Variants in ANKRD18B observed in about 807,000 individuals in gnomAD.
ANKRD18B encodes ankyrin repeat domain-containing protein 18B.
In ANKRD18B, 75 loss-of-function variants were observed where a neutral mutation model predicts 111.8. The observed-to-expected ratio is 0.67, with a 90% CI of 0.56 to 0.81. The LOEUF (loss-of-function observed/expected upper bound fraction) is 0.81, where lower values mean the gene tolerates loss of function less well. Ranked by LOEUF, ANKRD18B falls within the 40% of genes least tolerant of loss-of-function variation. ANKRD18B has a pLI of 0.00. For synonymous variants in ANKRD18B, 356 were observed against 417.3 expected (o/e 0.85, Z 1.79); for missense variants, 1,038 against 1,225.5 (o/e 0.85, Z 2.28).
At chr9:33,529,544 G>A (rs928803280) in intron 3 of ANKRD18B, among the ~76,000 whole-genome samples, 1 of 152,158 alleles carries the variant, frequency 6.6e-6, no homozygotes, top group African/African-American at 2.4e-5. Context: ...TAGAAGTATT[G>A]CTGCTGATGG....
In ANKRD18B at chr9:33,529,116, G is replaced by T; in HGVS notation, c.438G>T (p.Gly146=). The change falls in exon 3 of 19, where the codon GGG becomes GGT. Residue 146 remains glycine (G), a synonymous_variant. Coordinates refer to ENST00000684830, the MANE Select transcript of ANKRD18B (RefSeq NM_001393611.1). ...TCCATTATGCCGTGTATAATGAGGGGACTTCACTGGCAGAAAGACTGCTTT... is the reference window on the plus strand; with the variant it reads ...TCCATTATGCCGTGTATAATGAGGGTACTTCACTGGCAGAAAGACTGCTTT... ...TALHYAVYNE[G]TSLAERLLSH... 1.2e-6 allele frequency: 2 copies of T among 1,611,962 alleles called. No individual in the cohort carries two copies. Among genetic ancestry groups the T allele is most frequent in the South Asian group, 2.2e-5 (2 of 90,962 alleles).
In ANKRD18B at chr9:33,529,055, A is replaced by G. The variant is rs952370729; in HGVS notation, c.377A>G (p.Asn126Ser). The change falls in exon 3 of 19, where the codon AAT becomes AGT. Residue 126 changes from asparagine (N) to serine (S), a missense_variant. Asn to Ser is a conservative substitution (Grantham distance 46). Transcript: ENST00000684830. ...CAIILLKRGA[N>S]PNIKDIYGNT... is the part of the protein sequence containing the mutation. Reference sequence around the variant, plus strand: ...ATTATTCTCCTGAAACGTGGCGCCAATCCAAACATTAAGGATATCTACGGC... The same window carrying G: ...ATTATTCTCCTGAAACGTGGCGCCAGTCCAAACATTAAGGATATCTACGGC... 1.9e-6 allele frequency: 3 copies of G among 1,612,302 alleles called. No individual in the cohort carries two copies. Among genetic ancestry groups the G allele is most frequent in the Non-Finnish European group, 2.5e-6 (3 of 1,179,870 alleles).
chr9:33,565,456 T>A (rs564428472), intron 14 of ANKRD18B, among the ~76,000 whole-genome samples: 1 of 152,166 alleles, frequency 6.6e-6, no homozygotes, highest in Non-Finnish European at 1.5e-5. Context: ...AATCCTTATT[T>A]ACAGGATTCA....
In ANKRD18B at chr9:33,556,951, T is replaced by C. The variant is rs1402547429; in HGVS notation, c.2331-1107T>C. Among the ~76,000 whole-genome samples, 6 of 152,128 alleles carry C rather than the reference T, an allele frequency of 3.9e-5. No individual in the cohort carries two copies. In the East Asian group the frequency reaches 1.2e-3, roughly 29 times the overall value. On this transcript the variant is annotated intron_variant, in intron 13 of 18. Coordinates refer to ENST00000684830, the MANE Select transcript of ANKRD18B (RefSeq NM_001393611.1). ...TATAACCTAAAGAAAAAGAGTAAAA[T>C]GAGCATTCATGTTTTGATCACAGAC...
chr9:33,548,878 CCTT>C (rs1563904267), intron 11 of ANKRD18B, 23 bp downstream of exon 11: 2 of 1,446,538 alleles, frequency 1.4e-6, no homozygotes, highest in Admixed American at 3.0e-5. Flanking sequence ...AAAACTATAA[CCTT>C]CTGGAAAGAA....
chr9:33,547,866 C>A, intron 10 of ANKRD18B, 72 bp from the exon 11 acceptor site: 1 of 1,085,280 alleles, frequency 9.2e-7, no homozygotes, highest in Middle Eastern at 2.1e-4. Context: ...GTATAGGTTG[C>A]TCTTTCACTT....
chr9:33,574,930 A>G (rs1353232555), downstream of ANKRD18B, among the ~76,000 whole-genome samples: 1 of 152,064 alleles, frequency 6.6e-6, no homozygotes, highest in Non-Finnish European at 1.5e-5. Context: ...TTAGAGACAC[A>G]CAGCAGTCTC....
intron 1 of ANKRD18B, among the ~76,000 whole-genome samples, chr9:33,525,188 G>C (rs1312169206): frequency 6.6e-6 from 1 of 152,076 alleles, no homozygotes; most frequent in Non-Finnish European, 1.5e-5. Flanking sequence ...AAAATATCAA[G>C]GTTTTATCAT....
At chr9:33,551,609 A>C (rs1159585948) in intron 12 of ANKRD18B, among the ~76,000 whole-genome samples, 1 of 152,044 alleles carries the variant, frequency 6.6e-6, no homozygotes, top group Non-Finnish European at 1.5e-5. Flanking sequence ...TTGTCAAATA[A>C]TAGTCTATTT....
In ANKRD18B at chr9:33,529,121, C is replaced by A. The variant is rs540000667; in HGVS notation, c.443C>A (p.Ser148Ter). 2.0e-4 allele frequency: 330 copies of A among 1,611,972 alleles called. No homozygotes were observed. The highest frequency in any genetic ancestry group is 4.5e-4 in the Middle Eastern group (2 of 4,442). ...TATGCCGTGTATAATGAGGGGACTTCACTGGCAGAAAGACTGCTTTCCCAC... is the reference window on the plus strand; with the variant it reads ...TATGCCGTGTATAATGAGGGGACTTAACTGGCAGAAAGACTGCTTTCCCAC... ...LHYAVYNEGT[S>*]LAERLLSHHA... Residue 148 changes from serine to a stop codon, truncating the protein, a stop_gained, in exon 3 of 19, where the codon TCA becomes TAA. Coordinates refer to ENST00000684830, the MANE Select transcript of ANKRD18B (RefSeq NM_001393611.1). LOFTEE classifies it high-confidence loss of function.
intron 17 of ANKRD18B, among the ~76,000 whole-genome samples, chr9:33,570,764 A>G (rs1189885306): frequency 6.6e-6 from 1 of 151,330 alleles, no homozygotes; most frequent in East Asian, 1.9e-4. Context: ...CAGCCTCCCG[A>G]GTAGCTGGGA....
intron 1 of ANKRD18B, among the ~76,000 whole-genome samples, chr9:33,525,375 A>G (rs1828012054): frequency 6.6e-6 from 1 of 152,222 alleles, no homozygotes; most frequent in Non-Finnish European, 1.5e-5. Flanking sequence ...AGGAAATCCA[A>G]AAACACTGAA....
At chr9:33,557,313 T>C (rs1300599817) in intron 13 of ANKRD18B, among the ~76,000 whole-genome samples, 1 of 152,196 alleles carries the variant, frequency 6.6e-6, no homozygotes, top group African/African-American at 2.4e-5. Context: ...GTGTACTTTT[T>C]TTTCTTCTTA....
Position 33,548,350 on chromosome 9 carries a change from A to G in ANKRD18B, c.1562A>G (p.Asp521Gly). ...CTAGAACTAGTTTTATGGAGAGCAG[A>G]TGATGTTTCTAGACATGAAACAATG... ...KDLELVLWRA[D>G]DVSRHETMGS... The change falls in exon 11 of 19, where the codon GAT becomes GGT. Residue 521 changes from aspartate (D) to glycine (G), a missense_variant. Physicochemically the swap from Asp to Gly is moderately conservative, Grantham distance 94. This residue lies in a region of ANKRD18B where 205 missense variants were observed against 201.3 expected (regional missense o/e 1.02). Transcript: ENST00000684830. 1 of 1,550,016 alleles carries G rather than the reference A, an allele frequency of 6.5e-7. No individual in the cohort carries two copies. The highest frequency in any genetic ancestry group is 8.7e-7 in the Non-Finnish European group (1 of 1,146,166).
chr9:33,561,106 C>G (rs766377693), intron 14 of ANKRD18B, among the ~76,000 whole-genome samples: 3 of 152,172 alleles, frequency 2.0e-5, no homozygotes, highest in Non-Finnish European at 4.4e-5. Flanking sequence ...TTTTGAGGAG[C>G]TGACAATTTG....
intron 10 of ANKRD18B, 34 bp downstream of exon 10, chr9:33,543,289 GGTTT>G (rs1828307686): frequency 1.3e-6 from 2 of 1,512,454 alleles, no homozygotes; most frequent in Non-Finnish European, 1.8e-6. Flanking sequence ...GTTTAATATT[GGTTT>G]GTTTGTTTTT....
chr9:33,570,193 G>A (rs750565092), intron 17 of ANKRD18B, among the ~76,000 whole-genome samples: 1 of 152,098 alleles, frequency 6.6e-6, no homozygotes, highest in Non-Finnish European at 1.5e-5. Flanking sequence ...GCAAACTAAC[G>A]CAGAAACAGA....
chr9:33,538,786 T>C (rs1052110230), intron 6 of ANKRD18B, among the ~76,000 whole-genome samples: 11 of 151,956 alleles, frequency 7.2e-5, no homozygotes, highest in Admixed American at 7.2e-4. Context: ...TAATAAATAT[T>C]CCAATAGCCA....
intron 1 of ANKRD18B, among the ~76,000 whole-genome samples, chr9:33,527,739 T>C (rs112672752): frequency 0.11 from 16,366 of 152,242 alleles, 1,051 homozygotes; most frequent in Middle Eastern, 0.19. Context: ...GTCAGTTAGA[T>C]GCCTAGAACG....
Sources: gnomAD v4.1 joint callset for allele counts (sites outside exome capture counted in the v4.1 genomes callset) on GRCh38, gnomAD v4.1.1 for gene constraint, gnomAD v4.1.1 regional missense constraint, MANE v1.5 for transcripts, NCBI Gene and HGNC (gene_info 2026-07-23, HGNC 2026-07-21) for gene names.